The following ACVR2A variants were observed in gnomAD, a reference collection of about 807,000 sequenced individuals.
The protein encoded by ACVR2A is activin A receptor type 2A.
Under a neutral mutation model 61.4 loss-of-function variants are expected in ACVR2A, and 7 were observed. The observed-to-expected ratio is 0.11, with a 90% CI of 0.06 to 0.21. The LOEUF is 0.21. Ranked by LOEUF, ACVR2A falls within the 10% of genes least tolerant of loss-of-function variation. The pLI is 1.00. For missense variants in ACVR2A, 322 were observed against 621.7 expected (o/e 0.52, Z 5.13); for synonymous variants, 193 against 208.3 (o/e 0.93, Z 0.63).
At chr2:147,915,097 T>C (rs1463795259) in intron 4 of ACVR2A, 94 bp from the exon 5 acceptor site, 15 of 1,191,372 alleles carry the variant, frequency 1.3e-5, no homozygotes, top group Non-Finnish European at 1.8e-5. Flanking sequence ...TTTCTGTCAG[T>C]TGACTTTTCA....
rs1343664221 is a variant in ACVR2A, at chr2:147,930,027, A to G, written c.*2753A>G. On this transcript the variant is annotated 3_prime_UTR_variant, in exon 11 of 11. Transcript: ENST00000241416. ...TCTTGTATGTATTTTAGATGCTAGAAGTTTTTTTAGCATGTGATGTGTGAT... is the reference window on the plus strand; with the variant it reads ...TCTTGTATGTATTTTAGATGCTAGAGGTTTTTTTAGCATGTGATGTGTGAT... 1 of 152,460 alleles carries G rather than the reference A, an allele frequency of 6.6e-6. No individual in the cohort carries two copies. Among genetic ancestry groups the G allele is most frequent in the Non-Finnish European group, 1.5e-5 (1 of 67,990 alleles). 9.4% of individuals were successfully genotyped at this position (152,460 alleles called of 1,614,324 possible). A position where few individuals can be genotyped will look rare whatever the true frequency, so the allele number is the denominator to read the frequency against.
rs754242153 is a variant in ACVR2A at position 147,927,060 on chromosome 2, A to G, written c.1348-20A>G. On this transcript the variant is annotated intron_variant, in intron 10 of 10. Coordinates refer to ENST00000241416, the MANE Select transcript of ACVR2A (RefSeq NM_001616.5). Reference sequence around the variant, plus strand: ...ACAAAAACTGCTGTGGCGTTTGAGTATATGTTTTTCTCCTTTTAGGGAATG... The same window carrying G: ...ACAAAAACTGCTGTGGCGTTTGAGTGTATGTTTTTCTCCTTTTAGGGAATG... 12 of 1,605,000 alleles carry G rather than the reference A, an allele frequency of 7.5e-6. No homozygotes were observed. Among genetic ancestry groups the G allele is most frequent in the Non-Finnish European group, 1.0e-5 (12 of 1,176,286 alleles).
intron 1 of ACVR2A, among the ~76,000 whole-genome samples, chr2:147,853,831 CTA>C (rs1040032510): frequency 2.6e-5 from 4 of 152,018 alleles, no homozygotes; most frequent in African/African-American, 9.7e-5. Context: ...ATCTTCATAA[CTA>C]TATGTGATAT....
At chr2:147,844,956 T>C (rs1685260155), upstream of ACVR2A, 1 of 500,454 alleles carries the variant, frequency 2.0e-6, no homozygotes, top group African/African-American at 2.1e-5. Flanking sequence ...TTATTTTTTA[T>C]CGTTGTGCTC....
At chr2:147,854,242 A>T (rs1388690223) in intron 1 of ACVR2A, among the ~76,000 whole-genome samples, 2 of 152,334 alleles carry the variant, frequency 1.3e-5, no homozygotes, top group East Asian at 3.9e-4. Flanking sequence ...GTGGTTCCTT[A>T]CAAAGAGTTC....
intron 1 of ACVR2A, among the ~76,000 whole-genome samples, chr2:147,869,064 T>C (rs954184321): frequency 1.3e-5 from 2 of 152,228 alleles, no homozygotes; most frequent in African/African-American, 2.4e-5. Context: ...TTCATATCTT[T>C]AAAAGCAGTC....
At chr2:147,848,355 C>T (rs1275828809) in intron 1 of ACVR2A, among the ~76,000 whole-genome samples, 1 of 152,042 alleles carries the variant, frequency 6.6e-6, no homozygotes, top group Non-Finnish European at 1.5e-5. Context: ...GGTGAGTCCC[C>T]CTCCCTACTT....
intron 2 of ACVR2A, among the ~76,000 whole-genome samples, chr2:147,898,724 C>G (rs1252804245): frequency 6.6e-6 from 1 of 151,974 alleles, no homozygotes; most frequent in East Asian, 1.9e-4. Flanking sequence ...AAATCCAGGT[C>G]TTTTCATGAC....
At position 147,910,629 on chromosome 2, in the gene ACVR2A, A is replaced by G. The variant is rs556922129; in HGVS notation, c.529-4562A>G. 4.6e-5 allele frequency among the ~76,000 whole-genome samples: 7 copies of G among 152,286 alleles called. No individual in the cohort carries two copies. In the South Asian group the frequency reaches 1.5e-3, roughly 32 times the overall value. ...AGAAATATTGGAAACTGGGGAACAT[A>G]GCCATCATCCATTGGAGGAATTCTC... is the stretch of plus-strand genomic sequence containing the variant. On this transcript the variant is annotated intron_variant, in intron 4 of 10. Coordinates refer to ENST00000241416, the MANE Select transcript of ACVR2A (RefSeq NM_001616.5).
At chr2:147,920,207 T>C in intron 7 of ACVR2A, 23 bp from the exon 8 acceptor site, 2 of 1,546,134 alleles carry the variant, frequency 1.3e-6, no homozygotes, top group Non-Finnish European at 1.8e-6. Flanking sequence ...AAACTTAATT[T>C]GAATACTCTT....
intron 1 of ACVR2A, among the ~76,000 whole-genome samples, chr2:147,894,366 TAGAC>T (rs914822211): frequency 2.6e-5 from 4 of 152,172 alleles, no homozygotes; most frequent in African/African-American, 9.6e-5. Context: ...GTTTTTCAAA[TAGAC>T]AAGACATAAT....
rs1687535741 is a variant in ACVR2A at position 147,927,668 on chromosome 2, TTTTCA to T, written c.*400_*404del. 1.9e-5 allele frequency: 3 copies of T among 156,462 alleles called. No individual in the cohort carries two copies. The highest frequency in any genetic ancestry group is 2.0e-4 in the South Asian group (1 of 4,916). The allele number at this position is 156,462 out of a possible 1,614,324, so 9.7% of individuals were successfully genotyped here. Reference sequence around the variant, plus strand: ...CTGCTATTTTTTTTAAATCAAAAACTTTTCATTTCAGATTTTAAAAAGGGTAACTT... The same window carrying T: ...CTGCTATTTTTTTTAAATCAAAAACTTTTCAGATTTTAAAAAGGGTAACTT... On this transcript the variant is annotated 3_prime_UTR_variant, in exon 11 of 11. Transcript: ENST00000241416.
Position 147,926,084 on chromosome 2 carries a change from T to A in ACVR2A, c.1270T>A (p.Ser424Thr), listed in dbSNP as rs1687492513. The A allele has an allele frequency of 6.2e-7, 1 of 1,612,050 alleles. No homozygotes were observed. The highest frequency in any genetic ancestry group is 8.5e-7 in the Non-Finnish European group (1 of 1,178,736). ...PFEEEIGQHP[S>T]LEDMQEVVVH... ...TGAGGAGGAAATTGGCCAGCATCCATCTCTTGAAGACATGCAGGAAGTTGT... is the reference window on the plus strand; with the variant it reads ...TGAGGAGGAAATTGGCCAGCATCCAACTCTTGAAGACATGCAGGAAGTTGT... The change falls in exon 10 of 11, where the codon TCT becomes ACT. Residue 424 changes from serine to threonine, a missense_variant. Coordinates refer to ENST00000241416, the MANE Select transcript of ACVR2A (RefSeq NM_001616.5).
chr2:147,864,972 T>G (rs546460150), intron 1 of ACVR2A, among the ~76,000 whole-genome samples: 1 of 151,978 alleles, frequency 6.6e-6, no homozygotes, highest in Non-Finnish European at 1.5e-5. Context: ...AAACATGAGA[T>G]ACATTGATTA....
intron 7 of ACVR2A, among the ~76,000 whole-genome samples, chr2:147,919,046 T>C (rs1376751106): frequency 6.6e-6 from 1 of 152,092 alleles, no homozygotes; most frequent in Non-Finnish European, 1.5e-5. Flanking sequence ...GAAGAAATAC[T>C]ACTTAGACCC....
rs895910786 is a variant in ACVR2A at position 147,929,389 on chromosome 2, TAAAC to T, written c.*2118_*2121del. 5 of 151,926 alleles carry T rather than the reference TAAAC, an allele frequency of 3.3e-5. No homozygotes were observed. The highest frequency in any genetic ancestry group is 2.1e-4 in the South Asian group (1 of 4,834). The allele number at this position is 151,926 out of a possible 1,614,324, so 9.4% of individuals were successfully genotyped here. A position where few individuals can be genotyped will look rare whatever the true frequency, so the allele number is the denominator to read the frequency against. ...TTTCTTTTTAAAAGTTAAACAAAAA[TAAAC>T]AAGGGATATTATGATGAATGTTTGG... is the stretch of plus-strand genomic sequence containing the variant. On this transcript the variant is annotated 3_prime_UTR_variant, in exon 11 of 11. Coordinates refer to ENST00000241416, the MANE Select transcript of ACVR2A (RefSeq NM_001616.5).
chr2:147,890,193 G>C (rs1234602863), intron 1 of ACVR2A, among the ~76,000 whole-genome samples: 1 of 152,102 alleles, frequency 6.6e-6, no homozygotes, highest in East Asian at 1.9e-4. Context: ...CCACACATGT[G>C]CATATACTAT....
chr2:147,898,184 T>C (rs927571108), intron 2 of ACVR2A: 12 of 152,188 alleles, frequency 7.9e-5, no homozygotes, highest in African/African-American at 2.9e-4. Context: ...GGTTAAATGC[T>C]AATTTTAAAC....
chr2:147,895,094 T>C (rs953550025), intron 1 of ACVR2A, among the ~76,000 whole-genome samples: 23 of 152,142 alleles, frequency 1.5e-4, no homozygotes, highest in Non-Finnish European at 2.8e-4. Context: ...TACAAACCAG[T>C]CTTTTATTAT....
Sources: allele counts gnomAD v4.1 joint callset (sites outside exome capture counted in the v4.1 genomes callset), GRCh38; gene constraint gnomAD v4.1.1; transcripts MANE v1.5; gene names NCBI Gene and HGNC (gene_info 2026-07-23, HGNC 2026-07-21).